The following CPZ variants were observed in gnomAD, a reference collection of about 807,000 sequenced individuals.
CPZ encodes carboxypeptidase Z.
CPZ carries 103 observed loss-of-function variants against 61.8 expected under a neutral mutation model. The ratio of observed to expected loss-of-function variants is 1.67; its 90% CI spans 1.42 to 1.96. The LOEUF (loss-of-function observed/expected upper bound fraction) is 1.96, where lower values mean the gene tolerates loss of function less well. Ranked by LOEUF, CPZ falls within the 30% of genes most tolerant of loss-of-function variation. The probability of loss-of-function intolerance (pLI) is 0.00; values close to 1 mark genes in which losing one functional copy is unlikely to be tolerated. For missense variants in CPZ, 1,461 were observed against 914.9 expected (o/e 1.60, Z -7.70); for synonymous variants, 551 against 373.7 (o/e 1.47, Z -5.47).
At chr4:8,597,050 AG>A (rs1714232324) in intron 1 of CPZ, among the ~76,000 whole-genome samples, 1 of 152,214 alleles carries the variant, frequency 6.6e-6, no homozygotes, top group Non-Finnish European at 1.5e-5. Context: ...GGAGTGGAGC[AG>A]GGGTGCTGGG....
intron 7 of CPZ, among the ~76,000 whole-genome samples, chr4:8,607,776 G>A (rs1045738202): frequency 6.6e-6 from 1 of 152,174 alleles, no homozygotes; most frequent in Non-Finnish European, 1.5e-5. Flanking sequence ...CCGCAGAGGG[G>A]TGCGTTTCCG....
Position 8,618,515 on chromosome 4 carries a change from C to G in CPZ, c.1590C>G (p.His530Gln). The change falls in exon 10 of 11, where the codon CAC becomes CAG. Residue 530 changes from histidine (H) to glutamine (Q), a missense_variant. Transcript: ENST00000360986. ...NARISVKGIRHDITTAPDGDY... is the reference protein window; with the variant it reads ...NARISVKGIRQDITTAPDGDY... Reference sequence around the variant, plus strand: ...GGATCTCAGTCAAAGGCATTCGCCACGACATCACCACAGGTGAGCACGTCC... The same window carrying G: ...GGATCTCAGTCAAAGGCATTCGCCAGGACATCACCACAGGTGAGCACGTCC... 6.2e-7 allele frequency: 1 copy of G among 1,613,810 alleles called. No homozygotes were observed. The highest frequency in any genetic ancestry group is 8.5e-7 in the Non-Finnish European group (1 of 1,179,998).
At chr4:8,617,186 G>A (rs779815091) in intron 9 of CPZ, among the ~76,000 whole-genome samples, 60 of 152,320 alleles carry the variant, frequency 3.9e-4, no homozygotes, top group Non-Finnish European at 5.4e-4. Flanking sequence ...GGTCAGCCGC[G>A]GTGGGATTAG....
chr4:8,609,297 TCATC>T lies in CPZ; in HGVS notation c.1227+1876_1227+1879del, dbSNP rs1299569743. Among the ~76,000 whole-genome samples, 19 of 143,786 alleles carry T rather than the reference TCATC, an allele frequency of 1.3e-4. No individual in the cohort carries two copies. In the Admixed American group the frequency reaches 1.4e-3, roughly 11 times the overall value. 94.3% of individuals were successfully genotyped at this position (143,786 alleles called of 152,430 possible). ...TTCACACACTAATTTTCTCAGTCAT[TCATC>T]CATTCACTCATGCACTTATTCACTC... On this transcript the variant is annotated intron_variant, in intron 7 of 10. Coordinates refer to ENST00000360986, the MANE Select transcript of CPZ (RefSeq NM_001014447.3).
At chr4:8,604,703 G>A (rs1037189288) in intron 4 of CPZ, among the ~76,000 whole-genome samples, 3 of 152,134 alleles carry the variant, frequency 2.0e-5, no homozygotes, top group African/African-American at 4.8e-5. Context: ...GGCTAGTCTC[G>A]AACTCCTGAC....
chr4:8,619,193 C>T (rs1375807966), intron 10 of CPZ, 69 bp from the exon 11 acceptor site: 4 of 1,354,614 alleles, frequency 3.0e-6, no homozygotes, highest in Non-Finnish European at 4.1e-6. Flanking sequence ...CACTCATATC[C>T]ATCACCCATC....
intron 10 of CPZ, 128 bp downstream of exon 10, chr4:8,618,656 G>C: frequency 2.3e-6 from 2 of 874,386 alleles, no homozygotes; most frequent in South Asian, 3.2e-5. Flanking sequence ...TCCTCCCCAG[G>C]CTGGCTGGGT....
chr4:8,609,214 A>AC (rs1462449667), intron 7 of CPZ, among the ~76,000 whole-genome samples: 239 of 44,632 alleles, frequency 5.4e-3, no homozygotes, highest in African/African-American at 0.012. Flanking sequence ...TCACTTACTC[A>AC]TTCACTTACT....
chr4:8,593,088 T>G lies in CPZ; in HGVS notation c.88+167T>G, dbSNP rs4411969. 0.76 allele frequency among the ~76,000 whole-genome samples: 115,329 copies of G among 152,074 alleles called. 44,085 individuals carry two copies. Among genetic ancestry groups the G allele is most frequent in the East Asian group, 0.91 (4,687 of 5,136 alleles). ...GCAGCATGTGGCCTGGGACTGGTAG[T>G]GTGACCTCTCCCCTGGACGGGGACA... On this transcript the variant is annotated intron_variant, in intron 1 of 10. Transcript: ENST00000360986.
Position 8,604,127 on chromosome 4 carries a change from C to A in CPZ, c.648C>A (p.Ser216Arg), listed in dbSNP as rs1409315732. The A allele has an allele frequency of 3.1e-6, 5 of 1,595,790 alleles. No homozygotes were observed. Among genetic ancestry groups the A allele is most frequent in the Non-Finnish European group, 4.3e-6 (5 of 1,171,462 alleles). Residue 216 changes from serine to arginine, a missense_variant, in exon 4 of 11, where the codon AGC (serine) becomes AGA (arginine). By Grantham distance (110) the Ser-to-Arg change is moderately radical. Coordinates refer to ENST00000360986, the MANE Select transcript of CPZ (RefSeq NM_001014447.3). ...HVARTYSIGRSFDGRELLVIE... is the reference protein window; with the variant it reads ...HVARTYSIGRRFDGRELLVIE... ...CCAGGACCTACAGCATCGGGCGCAG[C>A]TTCGACGGCAGGGAGCTGCTGGTCA...
intron 2 of CPZ, among the ~76,000 whole-genome samples, chr4:8,600,493 T>G (rs1049118241): frequency 6.6e-6 from 1 of 152,202 alleles, no homozygotes; most frequent in Non-Finnish European, 1.5e-5. Flanking sequence ...AGGGCCCTGC[T>G]AGGCCGATGA....
At chr4:8,614,670 G>C (rs1329832094) in intron 9 of CPZ, among the ~76,000 whole-genome samples, 172 bp downstream of exon 9, 1 of 152,200 alleles carries the variant, frequency 6.6e-6, no homozygotes, top group Non-Finnish European at 1.5e-5. Context: ...AGATACAGTA[G>C]CCGGCTCTCC....
chr4:8,619,552 C>T lies in CPZ; in HGVS notation c.1894C>T (p.Pro632Ser). 6.4e-7 allele frequency: 1 copy of T among 1,556,212 alleles called. No homozygotes were observed. The highest frequency in any genetic ancestry group is 8.7e-7 in the Non-Finnish European group (1 of 1,150,672). ...GCAGCCCTCGGCCGACGGGAGTAAG[C>T]CCTGGTGGTGGTCCTACTTCACATC... is the stretch of plus-strand genomic sequence containing the variant. Reference protein sequence around the residue: ...RRQPSADGSKPWWWSYFTSLS... With the variant: ...RRQPSADGSKSWWWSYFTSLS... Residue 632 changes from proline to serine, a missense_variant, in exon 11 of 11, where the codon CCC (proline) becomes TCC (serine). Physicochemically the swap from Pro to Ser is moderately conservative, Grantham distance 74. Coordinates refer to ENST00000360986, the MANE Select transcript of CPZ (RefSeq NM_001014447.3).
chr4:8,611,063 CTCAT>C (rs1560299828), intron 7 of CPZ: 5 of 358,006 alleles, frequency 1.4e-5, no homozygotes, highest in Non-Finnish European at 2.4e-5. Context: ...CGCTCACTCA[CTCAT>C]TCACTCATTC....
At position 8,618,591 on chromosome 4, in the gene CPZ, A is replaced by T. The variant is rs796978752; in HGVS notation, c.1603+63A>T. ...TGCCAAGGAAATGCCACACCGTGGC[A>T]GCCGGCACCCTCAGGCACTCACAGT... On this transcript the variant is annotated intron_variant, in intron 10 of 10. Transcript: ENST00000360986. 4.6e-5 allele frequency: 69 copies of T among 1,510,050 alleles called. No individual in the cohort carries two copies. In the South Asian group the frequency reaches 7.0e-4, roughly 15 times the overall value. The allele number at this position is 1,510,050 out of a possible 1,614,324, so 93.5% of individuals were successfully genotyped here. A position where few individuals can be genotyped will look rare whatever the true frequency, so the allele number is the denominator to read the frequency against.
At position 8,609,713 on chromosome 4, in the gene CPZ, G is replaced by A. The variant is rs112044489; in HGVS notation, c.1227+2288G>A. 2.0e-3 allele frequency among the ~76,000 whole-genome samples: 307 copies of A among 152,332 alleles called. 1 individual carries two copies. Among genetic ancestry groups the A allele is most frequent in the Non-Finnish European group, 3.1e-3 (212 of 68,028 alleles). ...GCCTCAGAACCAGATGTGAGAAGAC[G>A]TCCCCAGGGGGGATGTTCACCCCAG... On this transcript the variant is annotated intron_variant, in intron 7 of 10. Coordinates refer to ENST00000360986, the MANE Select transcript of CPZ (RefSeq NM_001014447.3).
At chr4:8,616,922 C>T (rs1036148262) in intron 9 of CPZ, among the ~76,000 whole-genome samples, 3 of 152,200 alleles carry the variant, frequency 2.0e-5, no homozygotes, top group Admixed American at 6.5e-5. Context: ...CTCTCCATCG[C>T]GTCAGGAGGG....
chr4:8,599,417 G>C (rs1367721155), intron 1 of CPZ, 36 bp from the exon 2 acceptor site: 1 of 1,575,978 alleles, frequency 6.3e-7, no homozygotes, highest in Non-Finnish European at 8.6e-7. Flanking sequence ...AGGATGGCGA[G>C]GCAGGTCCCT....
chr4:8,597,009 G>C (rs1243250931), intron 1 of CPZ, among the ~76,000 whole-genome samples: 2 of 152,226 alleles, frequency 1.3e-5, no homozygotes, highest in Admixed American at 1.3e-4. Flanking sequence ...TGCCAGCCGG[G>C]CACCGTCAGA....
Sources: gnomAD v4.1 joint callset for allele counts (sites outside exome capture counted in the v4.1 genomes callset) on GRCh38, gnomAD v4.1.1 for gene constraint, MANE v1.5 for transcripts, NCBI Gene and HGNC (gene_info 2026-07-23, HGNC 2026-07-21) for gene names.